The following PAWR variants were observed in gnomAD, a reference collection of about 807,000 sequenced individuals.
PAWR encodes PRKC apoptosis WT1 regulator protein.
A neutral mutation model predicts 32.0 loss-of-function variants in PAWR; 23 were observed. The ratio of observed to expected loss-of-function variants is 0.72; its 90% CI spans 0.52 to 1.02. The LOEUF (loss-of-function observed/expected upper bound fraction) is 1.02, where lower values mean the gene tolerates loss of function less well. Among genes scored for constraint, PAWR ranks in the 50% least tolerant of loss-of-function variants. The pLI, the probability that PAWR is intolerant of heterozygous loss-of-function variation, is 0.00. For missense variants in PAWR, 457 were observed against 437.7 expected (o/e 1.04, Z -0.39); for synonymous variants, 226 against 187.1 (o/e 1.21, Z -1.70).
At chr12:79,638,917 T>A (rs1456056401) in intron 2 of PAWR, among the ~76,000 whole-genome samples, 1 of 63,130 alleles carries the variant, frequency 1.6e-5, no homozygotes. Flanking sequence ...TTTTTTTTTT[T>A]TTTTTTTTTT....
At chr12:79,661,340 T>G (rs1877343950) in intron 2 of PAWR, among the ~76,000 whole-genome samples, 1 of 151,882 alleles carries the variant, frequency 6.6e-6, no homozygotes, top group Non-Finnish European at 1.5e-5. Flanking sequence ...AATTTTAAAC[T>G]TTTAGCTTAC....
In PAWR at chr12:79,587,670, G is replaced by A. The variant is rs1398981470; in HGVS notation, c.*4937C>T. On this transcript the variant is annotated 3_prime_UTR_variant, in exon 7 of 7. Transcript: ENST00000328827. ...TATACCAAATAAAGATTTTTAAAGT[G>A]CTGCATATGGTTTCTGTAAGAGGTA... The A allele has an allele frequency of 5.3e-5, 8 of 151,866 alleles. No homozygotes were observed. Among genetic ancestry groups the A allele is most frequent in the Non-Finnish European group, 1.0e-4 (7 of 67,858 alleles). The allele number at this position is 151,866 out of a possible 1,614,324, so 9.4% of individuals were successfully genotyped here.
chr12:79,634,183 T>C (rs752924931), intron 2 of PAWR, among the ~76,000 whole-genome samples: 9 of 152,198 alleles, frequency 5.9e-5, no homozygotes, highest in African/African-American at 1.7e-4. Context: ...CTCTGGAGAA[T>C]AGAATATTAT....
intron 2 of PAWR, among the ~76,000 whole-genome samples, chr12:79,667,479 A>C (rs1379209659): frequency 6.6e-6 from 1 of 152,218 alleles, no homozygotes; most frequent in Non-Finnish European, 1.5e-5. Flanking sequence ...GACTGTGAGA[A>C]ACAACAAGCT....
intron 2 of PAWR, among the ~76,000 whole-genome samples, chr12:79,634,207 T>C (rs186781467): frequency 3.9e-5 from 6 of 152,286 alleles, no homozygotes; most frequent in Non-Finnish European, 8.8e-5. Context: ...AAAACAGTTT[T>C]CAAAATAATG....
chr12:79,627,814 C>T (rs1385399435), intron 2 of PAWR, among the ~76,000 whole-genome samples: 1 of 152,098 alleles, frequency 6.6e-6, no homozygotes, highest in Non-Finnish European at 1.5e-5. Context: ...AAAGCAAGTC[C>T]TGAGTGACCT....
chr12:79,663,321 C>G (rs1165077904), intron 2 of PAWR, among the ~76,000 whole-genome samples: 1 of 152,108 alleles, frequency 6.6e-6, no homozygotes, highest in Non-Finnish European at 1.5e-5. Context: ...ATTTCTTTAT[C>G]TTCTCTGTCG....
intron 2 of PAWR, among the ~76,000 whole-genome samples, chr12:79,672,645 T>C (rs1877962393): frequency 6.6e-6 from 1 of 151,886 alleles, no homozygotes; most frequent in Non-Finnish European, 1.5e-5. Flanking sequence ...AAGGTACTTA[T>C]CATCAAGTTT....
chr12:79,644,606 A>T (rs938905078), intron 2 of PAWR, among the ~76,000 whole-genome samples: 1 of 152,148 alleles, frequency 6.6e-6, no homozygotes, highest in Non-Finnish European at 1.5e-5. Context: ...TTCGTCAATG[A>T]TTCTTTTTTA....
In PAWR at chr12:79,586,064, T is replaced by C. The variant is rs1873376731; in HGVS notation, c.*6543A>G. On this transcript the variant is annotated 3_prime_UTR_variant, in exon 7 of 7. Transcript: ENST00000328827. ...TCATCTCATCAAAATTTTCATTGAT[T>C]TAAATAAGTTAATATGAACAGACTG... is the stretch of plus-strand genomic sequence containing the variant. 1 of 152,210 alleles carries C rather than the reference T, an allele frequency of 6.6e-6. No homozygotes were observed. The highest frequency in any genetic ancestry group is 2.4e-5 in the African/African-American group (1 of 41,460). The allele number at this position is 152,210 out of a possible 1,614,324, so 9.4% of individuals were successfully genotyped here. A position where few individuals can be genotyped will look rare whatever the true frequency, so the allele number is the denominator to read the frequency against.
chr12:79,614,577 A>G (rs1874636541), intron 3 of PAWR, among the ~76,000 whole-genome samples: 1 of 152,180 alleles, frequency 6.6e-6, no homozygotes, highest in African/African-American at 2.4e-5. Context: ...CAATCTTTTG[A>G]CAGTCTAGGT....
At chr12:79,678,210 C>G (rs1262707790) in intron 2 of PAWR, among the ~76,000 whole-genome samples, 1 of 152,170 alleles carries the variant, frequency 6.6e-6, no homozygotes. Context: ...TCAAATTAGG[C>G]AGACAAAACT....
chr12:79,648,870 T>C (rs1876710364), intron 2 of PAWR, among the ~76,000 whole-genome samples: 1 of 152,110 alleles, frequency 6.6e-6, no homozygotes, highest in Admixed American at 6.6e-5. Flanking sequence ...CTCCTACACT[T>C]GGAATATCAT....
At chr12:79,623,816 A>T (rs569977133) in intron 2 of PAWR, among the ~76,000 whole-genome samples, 39 of 152,264 alleles carry the variant, frequency 2.6e-4, no homozygotes, top group African/African-American at 7.7e-4. Context: ...TTACTTTTTT[A>T]AAAAAGAGGT....
chr12:79,684,636 GA>G (rs1029859929), intron 2 of PAWR, among the ~76,000 whole-genome samples: 24 of 151,504 alleles, frequency 1.6e-4, no homozygotes, highest in African/African-American at 5.3e-4. Flanking sequence ...AAGAAAGAAA[GA>G]AAAAAACAAA....
In PAWR at chr12:79,589,138, A is replaced by G. The variant is rs960199884; in HGVS notation, c.*3469T>C. ...ACTACATGCAACTTACTGGTCACCA[A>G]CTCAGAACCCATAAAACTATACACA... is the stretch of plus-strand genomic sequence containing the variant. On this transcript the variant is annotated 3_prime_UTR_variant, in exon 7 of 7. Coordinates refer to ENST00000328827, the MANE Select transcript of PAWR (RefSeq NM_002583.4). The G allele has an allele frequency of 2.0e-5, 3 of 151,858 alleles. No individual in the cohort carries two copies. The highest frequency in any genetic ancestry group is 2.1e-4 in the South Asian group (1 of 4,822). 9.4% of individuals were successfully genotyped at this position (151,858 alleles called of 1,614,324 possible).
At chr12:79,638,179 G>A (rs1329150041) in intron 2 of PAWR, among the ~76,000 whole-genome samples, 2 of 150,526 alleles carry the variant, frequency 1.3e-5, no homozygotes, top group East Asian at 3.9e-4. Context: ...CAGAAAGCTT[G>A]TGTAAGATTG....
chr12:79,634,078 C>T (rs1875844770), intron 2 of PAWR, among the ~76,000 whole-genome samples: 1 of 151,968 alleles, frequency 6.6e-6, no homozygotes, highest in African/African-American at 2.4e-5. Context: ...ATTGAAATCC[C>T]CAAATACAGT....
At chr12:79,636,741 T>TAATAATTTTA (rs1875977817) in intron 2 of PAWR, among the ~76,000 whole-genome samples, 1 of 152,182 alleles carries the variant, frequency 6.6e-6, no homozygotes, top group African/African-American at 2.4e-5. Context: ...TTACAACCGT[T>TAATAATTTTA]CGTAAAATCC....
Sources: gnomAD v4.1 joint callset for allele counts (sites outside exome capture counted in the v4.1 genomes callset) on GRCh38, gnomAD v4.1.1 for gene constraint, MANE v1.5 for transcripts, NCBI Gene and HGNC (gene_info 2026-07-23, HGNC 2026-07-21) for gene names.